The following TCAIM variants were observed in gnomAD, a reference collection of about 807,000 sequenced individuals.
TCAIM encodes T cell activation inhibitor, mitochondrial.
TCAIM carries 36 observed loss-of-function variants against 58.6 expected under a neutral mutation model. The observed-to-expected ratio is 0.61, with a 90% CI of 0.47 to 0.81. The LOEUF is 0.81. TCAIM is among the 30% of genes least tolerant of loss of function. The pLI is 0.00. For synonymous variants in TCAIM, 172 were observed against 193.6 expected (o/e 0.89, Z 0.93); for missense variants, 466 against 579.6 (o/e 0.80, Z 2.01).
chr3:44,366,618 G>A (rs924169994), intron 4 of TCAIM, among the ~76,000 whole-genome samples: 13 of 124,292 alleles, frequency 1.0e-4, no homozygotes, highest in East Asian at 3.3e-4. Flanking sequence ...CCGCCACCAC[G>A]CCCGGCTAAT....
intron 1 of TCAIM, among the ~76,000 whole-genome samples, chr3:44,353,368 A>G (rs1701131120): frequency 6.6e-6 from 1 of 152,236 alleles, no homozygotes; most frequent in Admixed American, 6.5e-5. Context: ...GCAGTTATAA[A>G]TAAAGCCTCT....
chr3:44,339,518 G>A (rs1700810253), intron 1 of TCAIM, among the ~76,000 whole-genome samples: 1 of 152,136 alleles, frequency 6.6e-6, no homozygotes, highest in African/African-American at 2.4e-5. Context: ...ACCAAATTTG[G>A]TTTGAAACTG....
At chr3:44,401,550 C>T (rs1160212810) in intron 10 of TCAIM, among the ~76,000 whole-genome samples, 1 of 152,094 alleles carries the variant, frequency 6.6e-6, no homozygotes, top group African/African-American at 2.4e-5. Context: ...AAAGTCAATT[C>T]AGAAACAGAA....
chr3:44,374,620 G>T (rs1701536061), intron 5 of TCAIM, among the ~76,000 whole-genome samples: 1 of 152,058 alleles, frequency 6.6e-6, no homozygotes, highest in Non-Finnish European at 1.5e-5. Context: ...AATTAGCCAG[G>T]TGTGATGGCA....
chr3:44,401,870 TA>T (rs1702026385), intron 10 of TCAIM, among the ~76,000 whole-genome samples: 1 of 151,638 alleles, frequency 6.6e-6, no homozygotes, highest in Non-Finnish European at 1.5e-5. Flanking sequence ...CCATCTTTAC[TA>T]AAAATACAAA....
At chr3:44,352,074 T>C (rs1036583039) in intron 1 of TCAIM, among the ~76,000 whole-genome samples, 1 of 148,514 alleles carries the variant, frequency 6.7e-6, no homozygotes, top group African/African-American at 2.5e-5. Context: ...TAAAGTCATA[T>C]ATATGTGTGT....
chr3:44,361,280 A>G (rs554076889), intron 3 of TCAIM, 85 bp from the exon 4 acceptor site: 12 of 1,159,762 alleles, frequency 1.0e-5, no homozygotes, highest in East Asian at 2.5e-5. Context: ...AATACTCTCA[A>G]TGTGTTTAAA....
intron 9 of TCAIM, chr3:44,400,890 T>A (rs1702012007): frequency 2.1e-6 from 1 of 487,220 alleles, no homozygotes; most frequent in African/African-American, 1.9e-5. Flanking sequence ...ATTTGTGGTG[T>A]ATACACTGTT....
intron 5 of TCAIM, among the ~76,000 whole-genome samples, chr3:44,374,933 T>G (rs1330546322): frequency 1.3e-5 from 2 of 152,190 alleles, no homozygotes; most frequent in Admixed American, 6.5e-5. Flanking sequence ...GCTTTCTTTT[T>G]TCATCTCTTA....
chr3:44,348,953 G>A (rs139936159), intron 1 of TCAIM, among the ~76,000 whole-genome samples: 12,667 of 152,246 alleles, frequency 0.083, 652 homozygotes, highest in Middle Eastern at 0.15. Context: ...GGGCAGGTAG[G>A]GGAGGGCTAG....
intron 4 of TCAIM, chr3:44,362,612 A>C (rs1701310521): frequency 2.6e-6 from 1 of 390,494 alleles, no homozygotes; most frequent in Admixed American, 4.4e-5. Context: ...TCTACCTCTG[A>C]CTTAGAGTTT....
chr3:44,403,372 C>T (rs1702051702), intron 10 of TCAIM, among the ~76,000 whole-genome samples: 1 of 152,182 alleles, frequency 6.6e-6, no homozygotes, highest in Non-Finnish European at 1.5e-5. Flanking sequence ...AATGAAGGAG[C>T]AGCATCTCTT....
At position 44,401,298 on chromosome 3, in the gene TCAIM, C is replaced by G. The variant is rs1226137457; in HGVS notation, c.1214C>G (p.Ala405Gly). 1.2e-6 allele frequency: 2 copies of G among 1,613,994 alleles called. No homozygotes were observed. Among genetic ancestry groups the G allele is most frequent in the Non-Finnish European group, 1.7e-6 (2 of 1,179,998 alleles). Residue 405 changes from alanine (A) to glycine (G), a missense_variant, in exon 10 of 11, where the codon GCT (alanine) becomes GGT (glycine). Physicochemically the swap from Ala to Gly is moderately conservative, Grantham distance 60. Transcript: ENST00000342649. The part of the protein sequence containing the change: ...ANLQWFILTK[A>G]QQARENMKRK... ...CTCCAGTGGTTTATTCTCACCAAAGCTCAGCAGGCAAGAGAGAACATGAAA... is the reference window on the plus strand; with the variant it reads ...CTCCAGTGGTTTATTCTCACCAAAGGTCAGCAGGCAAGAGAGAACATGAAA...
chr3:44,405,645 G>T (rs1702088340), intron 10 of TCAIM, among the ~76,000 whole-genome samples: 1 of 151,946 alleles, frequency 6.6e-6, no homozygotes, highest in African/African-American at 2.4e-5. Flanking sequence ...TGATACTCCA[G>T]CCTGGGCAAC....
chr3:44,352,031 T>C (rs1701102031), intron 1 of TCAIM, among the ~76,000 whole-genome samples: 1 of 149,774 alleles, frequency 6.7e-6, no homozygotes, highest in Non-Finnish European at 1.5e-5. Flanking sequence ...ATGTTATGTA[T>C]ATATTATATG....
At chr3:44,400,722 G>A in intron 9 of TCAIM, 135 bp downstream of exon 9, 2 of 736,172 alleles carry the variant, frequency 2.7e-6, no homozygotes, top group South Asian at 1.7e-5. Context: ...ACTTGTGTTA[G>A]CAACCCTCTT....
At chr3:44,360,142 T>C (rs1160905585) in intron 3 of TCAIM, among the ~76,000 whole-genome samples, 2 of 152,178 alleles carry the variant, frequency 1.3e-5, no homozygotes, top group Admixed American at 1.3e-4. Flanking sequence ...CTGCTTTCCT[T>C]CCTAGCATTC....
upstream of TCAIM, chr3:44,338,504 C>G (rs113100552): frequency 6.6e-6 from 1 of 152,550 alleles, no homozygotes; most frequent in Non-Finnish European, 1.5e-5. Context: ...CAGCTCGTCC[C>G]CCTGCCCGGG....
At chr3:44,355,919 G>A (rs1701181952) in intron 2 of TCAIM, among the ~76,000 whole-genome samples, 1 of 152,200 alleles carries the variant, frequency 6.6e-6, no homozygotes. Context: ...AGCTCAGAGG[G>A]ATAAGTGGAG....
Sources: allele counts gnomAD v4.1 joint callset (sites outside exome capture counted in the v4.1 genomes callset), GRCh38; gene constraint gnomAD v4.1.1; transcripts MANE v1.5; gene names NCBI Gene and HGNC (gene_info 2026-07-23, HGNC 2026-07-21).